The following VWCE variants were observed in gnomAD, a reference collection of about 807,000 sequenced individuals.
VWCE encodes the protein von Willebrand factor C and EGF domains.
In VWCE, 68 loss-of-function variants were observed where a neutral mutation model predicts 102.9. The observed-to-expected ratio is 0.66, with a 90% CI of 0.54 to 0.81. The LOEUF (loss-of-function observed/expected upper bound fraction) is 0.81, where lower values mean the gene tolerates loss of function less well. Among genes scored for constraint, VWCE ranks in the 30% least tolerant of loss-of-function variants. The pLI, the probability that VWCE is intolerant of heterozygous loss-of-function variation, is 0.00. For synonymous variants in VWCE, 497 were observed against 515.4 expected (o/e 0.96, Z 0.48); for missense variants, 1,137 against 1,263.6 (o/e 0.90, Z 1.52).
In VWCE at chr11:61,278,456, C is replaced by G. The variant is rs370842721; in HGVS notation, c.1345G>C (p.Val449Leu). 4 of 1,614,118 alleles carry G rather than the reference C, an allele frequency of 2.5e-6. No individual in the cohort carries two copies. In the East Asian group the frequency reaches 8.9e-5, roughly 36 times the overall value. Reference sequence around the variant, plus strand: ...GAAAACACATCCCCTTCAGCTCGGACGACACCACTGTGAAAACAGCCTTTG... The same window carrying G: ...GAAAACACATCCCCTTCAGCTCGGAGGACACCACTGTGAAAACAGCCTTTG... Reference protein sequence around the residue: ...SCTGCFHSGVVRAEGDVFSPP... With the variant: ...SCTGCFHSGVLRAEGDVFSPP... Residue 449 changes from valine to leucine, a missense_variant, in exon 10 of 20, where the codon GTC becomes CTC. Around this residue, in one of 5 missense-constraint regions of VWCE, gnomAD observed 575 missense variants for 625.9 expected, o/e 0.92. Coordinates refer to ENST00000335613, the MANE Select transcript of VWCE (RefSeq NM_152718.2).
At chr11:61,293,399 A>G (rs1385740583) in intron 1 of VWCE, among the ~76,000 whole-genome samples, 1 of 149,430 alleles carries the variant, frequency 6.7e-6, no homozygotes, top group African/African-American at 2.5e-5. Flanking sequence ...CCTGGGTGAC[A>G]GAATAAGATT....
intron 19 of VWCE, 144 bp from the exon 20 acceptor site, chr11:61,259,456 TC>T: frequency 9.3e-7 from 1 of 1,072,456 alleles, no homozygotes; most frequent in Non-Finnish European, 1.3e-6. Flanking sequence ...AGCTCCTGCC[TC>T]CAGGAAGGGA....
At chr11:61,263,005 T>C (rs1854403009) in intron 19 of VWCE, among the ~76,000 whole-genome samples, 1 of 152,220 alleles carries the variant, frequency 6.6e-6, no homozygotes, top group African/African-American at 2.4e-5. Flanking sequence ...CAGAATGGAA[T>C]ACTATTTAGC....
intron 5 of VWCE, among the ~76,000 whole-genome samples, chr11:61,284,513 C>A (rs1461509377): frequency 6.6e-6 from 1 of 151,932 alleles, no homozygotes; most frequent in Non-Finnish European, 1.5e-5. Context: ...TCTGTCCCCT[C>A]AAAAATCGTG....
rs1158678593 is a variant in VWCE at position 61,274,601 on chromosome 11, G to C, written c.1496-17C>G. On this transcript the variant is annotated splice_polypyrimidine_tract_variant and intron_variant, in intron 11 of 19. Transcript: ENST00000335613. ...AGCATCTCACTGCAGAGGAGAAAGG[G>C]AGAAGCAACTCAAGGTCTTTGGGCA... The C allele has an allele frequency of 6.2e-7, 1 of 1,612,796 alleles. No homozygotes were observed. Among genetic ancestry groups the C allele is most frequent in the Non-Finnish European group, 8.5e-7 (1 of 1,179,314 alleles).
At chr11:61,259,401 G>A (rs1040408245) in intron 19 of VWCE, 89 bp from the exon 20 acceptor site, 1 of 1,477,078 alleles carries the variant, frequency 6.8e-7, no homozygotes, top group Non-Finnish European at 9.0e-7. Context: ...GGACACCCAA[G>A]CTCTGTCCTC....
chr11:61,289,342 C>A (rs1295126246), intron 4 of VWCE, among the ~76,000 whole-genome samples: 1 of 150,214 alleles, frequency 6.7e-6, no homozygotes, highest in Non-Finnish European at 1.5e-5. Context: ...CCTCCACCTG[C>A]TGGGTTCATG....
chr11:61,285,024 T>G (rs1487048596), intron 5 of VWCE, among the ~76,000 whole-genome samples: 1 of 151,938 alleles, frequency 6.6e-6, no homozygotes, highest in African/African-American at 2.4e-5. Context: ...GAAGACTGCT[T>G]TCTGAAAGCC....
In VWCE at chr11:61,273,272, G is replaced by C. The variant is rs1375959953; in HGVS notation, c.1626C>G (p.Ala542=). Residue 542 remains alanine (A), a synonymous_variant, in exon 13 of 20, where the codon GCC becomes GCG. Transcript: ENST00000335613. ...CCAGCCGCCACTCTTCTCGGGGGCA[G>C]GCCAGCTCAGGGCAGGGCATGAAGG... The part of the protein sequence containing the change: ...ECSFMPCPEL[A]CPREEWRLGP... 3 of 1,613,892 alleles carry C rather than the reference G, an allele frequency of 1.9e-6. No individual in the cohort carries two copies. Among genetic ancestry groups the C allele is most frequent in the Non-Finnish European group, 2.5e-6 (3 of 1,179,938 alleles).
At chr11:61,291,402 T>C (rs772241173) in intron 2 of VWCE, 49 bp from the exon 3 acceptor site, 5 of 1,586,314 alleles carry the variant, frequency 3.2e-6, no homozygotes, top group Non-Finnish European at 4.3e-6. Flanking sequence ...GCCTCCCGTC[T>C]GCCCCTCGGA....
intron 6 of VWCE, 78 bp downstream of exon 6, chr11:61,282,711 C>T (rs1329710567): frequency 8.4e-7 from 1 of 1,195,812 alleles, no homozygotes; most frequent in Non-Finnish European, 1.2e-6. Flanking sequence ...TGTTAACCTT[C>T]CCGGGTCCCT....
intron 10 of VWCE, 78 bp downstream of exon 10, chr11:61,278,316 C>T (rs1300274679): frequency 3.2e-5 from 47 of 1,480,402 alleles, no homozygotes; most frequent in Non-Finnish European, 3.8e-5. Context: ...CTTTAACATC[C>T]GGTCTTTTCC....
In VWCE at chr11:61,290,822, G is replaced by C; in HGVS notation, c.401C>G (p.Thr134Arg). The C allele has an allele frequency of 6.2e-7, 1 of 1,612,384 alleles. No homozygotes were observed. The highest frequency in any genetic ancestry group is 8.5e-7 in the Non-Finnish European group (1 of 1,179,732). ...ACCTGTACACCTGATGCCAACAGCTGTCTCCGTCATCGAGAAGCCCACGGG... is the reference window on the plus strand; with the variant it reads ...ACCTGTACACCTGATGCCAACAGCTCTCTCCGTCATCGAGAAGCCCACGGG... ...VCPVGFSMTE[T>R]AVGIRCTDID... The change falls in exon 4 of 20, where the codon ACA (threonine) becomes AGA (arginine). Residue 134 changes from threonine (T) to arginine (R), a missense_variant. Thr to Arg is a moderately conservative substitution (Grantham distance 71). Around this residue, in one of 5 missense-constraint regions of VWCE, gnomAD observed 575 missense variants for 625.9 expected, o/e 0.92. Coordinates refer to ENST00000335613, the MANE Select transcript of VWCE (RefSeq NM_152718.2).
intron 15 of VWCE, among the ~76,000 whole-genome samples, chr11:61,268,130 T>TAA (rs1456078612): frequency 1.2e-4 from 18 of 150,784 alleles, no homozygotes; most frequent in Non-Finnish European, 2.4e-4. Flanking sequence ...ATTATATATA[T>TAA]AATGTACATC....
At chr11:61,283,787 T>C (rs1855221406) in intron 5 of VWCE, among the ~76,000 whole-genome samples, 1 of 152,240 alleles carries the variant, frequency 6.6e-6, no homozygotes, top group Non-Finnish European at 1.5e-5. Flanking sequence ...CTCGAATGCC[T>C]TTCCCTCTTG....
intron 19 of VWCE, among the ~76,000 whole-genome samples, chr11:61,264,225 C>CAAAAA (rs547085588): frequency 5.0e-5 from 1 of 19,986 alleles, no homozygotes; most frequent in Non-Finnish European, 1.5e-4. Context: ...GACTCAGTCT[C>CAAAAA]AAAAAAAAAA....
At chr11:61,264,601 T>A (rs1158896462) in intron 18 of VWCE, 24 bp from the exon 19 acceptor site, 2 of 1,592,000 alleles carry the variant, frequency 1.3e-6, no homozygotes, top group South Asian at 1.1e-5. Context: ...AGGAACCCCA[T>A]GAGGAAGCCC....
chr11:61,276,176 G>C (rs552949470), intron 11 of VWCE, among the ~76,000 whole-genome samples: 249 of 142,196 alleles, frequency 1.8e-3, no homozygotes, highest in Non-Finnish European at 2.6e-3. Flanking sequence ...GGGAGGCCAA[G>C]GCAGGTGGAT....
At chr11:61,267,015 T>C (rs1854535155) in intron 16 of VWCE, among the ~76,000 whole-genome samples, 1 of 152,162 alleles carries the variant, frequency 6.6e-6, no homozygotes, top group Non-Finnish European at 1.5e-5. Flanking sequence ...CCCAACACTT[T>C]GGGAGGCTGA....
Sources: gnomAD v4.1 joint callset for allele counts (sites outside exome capture counted in the v4.1 genomes callset) on GRCh38, gnomAD v4.1.1 for gene constraint, gnomAD v4.1.1 regional missense constraint, MANE v1.5 for transcripts, NCBI Gene and HGNC (gene_info 2026-07-23, HGNC 2026-07-21) for gene names.